DYM: variants seen among roughly 807,000 people sequenced by gnomAD.
The protein encoded by DYM is dymeclin.
A neutral mutation model predicts 93.1 loss-of-function variants in DYM; 78 were observed. That is an observed-to-expected ratio of 0.84 (90% CI 0.70 to 1.01). The LOEUF is 1.01. DYM is among the 50% of genes least tolerant of loss of function. The pLI is 0.00. For synonymous variants in DYM, 321 were observed against 319.7 expected (o/e 1.00, Z -0.04); for missense variants, 789 against 845.0 (o/e 0.93, Z 0.82).
At chr18:49,216,264 A>G (rs972212654) in intron 13 of DYM, among the ~76,000 whole-genome samples, 2 of 152,218 alleles carry the variant, frequency 1.3e-5, no homozygotes, top group East Asian at 1.9e-4. Flanking sequence ...CGAACTGGGT[A>G]GAGCCCACCA....
At chr18:49,436,017 A>G (rs1274329884) in intron 1 of DYM, among the ~76,000 whole-genome samples, 1 of 151,974 alleles carries the variant, frequency 6.6e-6, no homozygotes, top group Non-Finnish European at 1.5e-5. Flanking sequence ...AAATAAATTT[A>G]TTTACTTATT....
chr18:49,220,443 C>T (rs1600767278), intron 13 of DYM, among the ~76,000 whole-genome samples: 1 of 151,144 alleles, frequency 6.6e-6, no homozygotes, highest in South Asian at 2.1e-4. Flanking sequence ...GCCCACATTG[C>T]CAAGTCAATC....
chr18:49,419,480 C>T (rs2073388021), intron 2 of DYM, among the ~76,000 whole-genome samples: 1 of 152,110 alleles, frequency 6.6e-6, no homozygotes, highest in East Asian at 1.9e-4. Context: ...ACAAAAATGG[C>T]TAACAAATTA....
chr18:49,104,693 G>T (rs1212525742), intron 16 of DYM, among the ~76,000 whole-genome samples: 1 of 152,170 alleles, frequency 6.6e-6, no homozygotes, highest in Non-Finnish European at 1.5e-5. Flanking sequence ...CATTGGTTCT[G>T]TTTATATGCT....
intron 13 of DYM, among the ~76,000 whole-genome samples, chr18:49,221,672 C>G (rs36131420): frequency 1.3e-5 from 2 of 151,814 alleles, no homozygotes; most frequent in African/African-American, 4.8e-5. Flanking sequence ...AACCAAACAC[C>G]GCATGTTCTC....
At chr18:49,211,669 T>C (rs1338528635) in intron 13 of DYM, among the ~76,000 whole-genome samples, 2 of 152,204 alleles carry the variant, frequency 1.3e-5, no homozygotes, top group Admixed American at 6.5e-5. Context: ...CATGTGGGAA[T>C]AGTGCTGGGC....
At chr18:49,084,803 T>G (rs989079675) in intron 17 of DYM, among the ~76,000 whole-genome samples, 3 of 152,170 alleles carry the variant, frequency 2.0e-5, no homozygotes, top group African/African-American at 7.2e-5. Context: ...AAGGAAAATA[T>G]AGTGCATGGT....
chr18:49,118,178 A>G (rs1438318982), intron 16 of DYM, among the ~76,000 whole-genome samples: 3 of 151,744 alleles, frequency 2.0e-5, no homozygotes, highest in Non-Finnish European at 2.9e-5. Flanking sequence ...CCCGGCCCAC[A>G]GGCATAAATT....
chr18:49,199,286 G>A (rs1010121006), intron 14 of DYM, among the ~76,000 whole-genome samples: 6 of 152,166 alleles, frequency 3.9e-5, no homozygotes, highest in African/African-American at 1.2e-4. Flanking sequence ...TAAATGACAA[G>A]TTAATGGGTG....
At chr18:49,044,797 G>T (rs1194619357) in intron 17 of DYM, among the ~76,000 whole-genome samples, 1 of 152,246 alleles carries the variant, frequency 6.6e-6, no homozygotes, top group East Asian at 1.9e-4. Context: ...TGGCTTTGCG[G>T]AGAGGGAGCC....
At chr18:49,139,819 C>A (rs1401563915) in intron 15 of DYM, among the ~76,000 whole-genome samples, 2 of 152,138 alleles carry the variant, frequency 1.3e-5, no homozygotes, top group Non-Finnish European at 1.5e-5. Context: ...CTTTGACTGA[C>A]AAATTTGTTT....
In DYM at chr18:49,118,771, A is replaced by C. The variant is rs371724364; in HGVS notation, c.1884T>G (p.Phe628Leu). 1.4e-5 allele frequency: 23 copies of C among 1,614,008 alleles called. No individual in the cohort carries two copies. Among genetic ancestry groups the C allele is most frequent in the Non-Finnish European group, 1.7e-5 (20 of 1,179,978 alleles). Residue 628 changes from phenylalanine to leucine, a missense_variant, in exon 16 of 18, where the codon TTT (phenylalanine) becomes TTG (leucine). By Grantham distance (22) the Phe-to-Leu change is conservative. Transcript: ENST00000675505. The stretch of plus-strand genomic sequence containing the variant: ...GATCAATATTTTGCATTATATCCTG[A>C]AATGAAGGATGAGTTCGAAATTGTT... ...LFEQFRTHPS[F>L]QDIMQNIDLV...
At chr18:49,167,931 T>C (rs1447435350) in intron 14 of DYM, among the ~76,000 whole-genome samples, 1 of 152,150 alleles carries the variant, frequency 6.6e-6, no homozygotes. Flanking sequence ...GGGATAGTTA[T>C]ACAAGGAAAT....
At chr18:49,346,759 T>C (rs113854126) in intron 6 of DYM, among the ~76,000 whole-genome samples, 142 of 152,312 alleles carry the variant, frequency 9.3e-4, no homozygotes, top group African/African-American at 3.3e-3. Context: ...AAACAATATG[T>C]AGAATTTCCT....
At chr18:49,186,920 CTTTTT>C (rs57080617) in intron 14 of DYM, among the ~76,000 whole-genome samples, 3 of 117,826 alleles carry the variant, frequency 2.5e-5, no homozygotes, top group African/African-American at 6.9e-5. Context: ...ACACAATCTT[CTTTTT>C]TTTTTTTTTT....
intron 15 of DYM, among the ~76,000 whole-genome samples, chr18:49,125,084 C>T (rs1431206528): frequency 1.3e-5 from 2 of 152,076 alleles, no homozygotes; most frequent in Non-Finnish European, 2.9e-5. Context: ...ATGGTGAAAC[C>T]TCGCCTCTAC....
chr18:49,167,235 G>A (rs1486918920), intron 14 of DYM, among the ~76,000 whole-genome samples: 1 of 152,066 alleles, frequency 6.6e-6, no homozygotes, highest in East Asian at 1.9e-4. Flanking sequence ...TGTTTTGCTT[G>A]CTAGTAGGAC....
chr18:49,236,107 A>G (rs1289658557), intron 13 of DYM, among the ~76,000 whole-genome samples: 2 of 152,218 alleles, frequency 1.3e-5, no homozygotes, highest in Non-Finnish European at 2.9e-5. Flanking sequence ...ACCTTTTTAA[A>G]AAACATATTT....
At chr18:49,246,101 T>C (rs1426093474) in intron 13 of DYM, among the ~76,000 whole-genome samples, 1 of 152,172 alleles carries the variant, frequency 6.6e-6, no homozygotes, top group East Asian at 1.9e-4. Flanking sequence ...ATTGAACAAA[T>C]GAACAAATTG....
Sources: allele counts gnomAD v4.1 joint callset (sites outside exome capture counted in the v4.1 genomes callset), GRCh38; gene constraint gnomAD v4.1.1; transcripts MANE v1.5; gene names NCBI Gene and HGNC (gene_info 2026-07-23, HGNC 2026-07-21).